CEP170: variants seen among roughly 807,000 people sequenced by gnomAD.
The protein encoded by CEP170 is centrosomal protein 170, also known as centrosomal protein of 170 kDa.
A neutral mutation model predicts 151.9 loss-of-function variants in CEP170; 21 were observed. That is an observed-to-expected ratio of 0.14 (90% CI 0.10 to 0.20). The LOEUF (loss-of-function observed/expected upper bound fraction) is 0.20, where lower values mean the gene tolerates loss of function less well. Ranked by LOEUF, CEP170 falls within the 10% of genes least tolerant of loss-of-function variation. The pLI is 1.00. For missense variants in CEP170, 964 were observed against 1,892.9 expected (o/e 0.51, Z 9.11); for synonymous variants, 356 against 648.8 (o/e 0.55, Z 6.86).
At position 243,191,025 on chromosome 1, in the gene CEP170, C is replaced by T. The variant is rs1443312372; in HGVS notation, c.1101G>A (p.Arg367=). The change falls in exon 8 of 20, where the codon AGG becomes AGA. Residue 367 remains arginine, a synonymous_variant. Coordinates refer to ENST00000366542, the MANE Select transcript of CEP170 (RefSeq NM_014812.3). ...IKSDVPVYLK[R]LKGNKHDDGT... ...ATGATCAAATCACTTTACCTTTCAA[C>T]CTTTTCAAGTACACTGGAACATCAC... is the stretch of plus-strand genomic sequence containing the variant. 2 of 1,571,732 alleles carry T rather than the reference C, an allele frequency of 1.3e-6. No individual in the cohort carries two copies. Among genetic ancestry groups the T allele is most frequent in the Non-Finnish European group, 1.7e-6 (2 of 1,157,920 alleles).
At chr1:243,171,917 G>A (rs1424221194) in intron 11 of CEP170, among the ~76,000 whole-genome samples, 1 of 152,158 alleles carries the variant, frequency 6.6e-6, no homozygotes, top group Admixed American at 6.5e-5. Context: ...TACTGACTCT[G>A]TAATTATCTT....
intron 1 of CEP170, among the ~76,000 whole-genome samples, chr1:243,229,466 G>C (rs369871291): frequency 2.2e-4 from 33 of 152,248 alleles, no homozygotes; most frequent in African/African-American, 7.9e-4. Context: ...AGATGCAATT[G>C]ACAGAAATGA....
intron 10 of CEP170, chr1:243,175,240 A>C (rs937229548): frequency 2.6e-5 from 4 of 152,246 alleles, no homozygotes; most frequent in Non-Finnish European, 5.9e-5. Context: ...GGGGAGCTGA[A>C]GCCGGACAGA....
chr1:243,240,498 C>A (rs1032279653), intron 1 of CEP170, among the ~76,000 whole-genome samples: 1 of 152,132 alleles, frequency 6.6e-6, no homozygotes, highest in Non-Finnish European at 1.5e-5. Flanking sequence ...GCTAATGGCT[C>A]TTAGACCTGG....
chr1:243,237,539 T>C (rs1234509305), intron 1 of CEP170, among the ~76,000 whole-genome samples: 1 of 152,196 alleles, frequency 6.6e-6, no homozygotes, highest in Non-Finnish European at 1.5e-5. Context: ...AAATAATGCA[T>C]GCTGGAAAAG....
At position 243,156,201 on chromosome 1, in the gene CEP170, G is replaced by T. The variant is rs1423916830; in HGVS notation, c.3911+20C>A. 1.3e-6 allele frequency: 2 copies of T among 1,563,870 alleles called. No individual in the cohort carries two copies. Among genetic ancestry groups the T allele is most frequent in the African/African-American group, 2.7e-5 (2 of 73,102 alleles). On this transcript the variant is annotated intron_variant, in intron 14 of 19. Transcript: ENST00000366542. ...TTCATAGAAATTTTGAATTCTTAAA[G>T]ATAAGTCCTGAAAACCAACCTGGCT...
At chr1:243,167,917 G>A (rs1452694939) in intron 12 of CEP170, among the ~76,000 whole-genome samples, 5 of 151,650 alleles carry the variant, frequency 3.3e-5, no homozygotes, top group South Asian at 2.1e-4. Context: ...TAACAAAAAC[G>A]TTTTATTATT....
chr1:243,250,363 C>A (rs1038983661), intron 1 of CEP170, among the ~76,000 whole-genome samples: 1 of 152,222 alleles, frequency 6.6e-6, no homozygotes, highest in African/African-American at 2.4e-5. Context: ...CAAGTTTTAA[C>A]TATAGCTACG....
intron 14 of CEP170, among the ~76,000 whole-genome samples, chr1:243,144,264 G>C (rs1558403002): frequency 1.3e-5 from 2 of 152,178 alleles, no homozygotes; most frequent in Non-Finnish European, 1.5e-5. Flanking sequence ...CTCTGTAAGA[G>C]AAGTATTAAT....
chr1:243,225,808 A>T (rs1451329988), intron 1 of CEP170, among the ~76,000 whole-genome samples: 1 of 152,054 alleles, frequency 6.6e-6, no homozygotes, highest in African/African-American at 2.4e-5. Context: ...TATCAGGTGT[A>T]AACCACAGAA....
At chr1:243,201,231 G>A (rs1301936808) in intron 4 of CEP170, among the ~76,000 whole-genome samples, 3 of 151,882 alleles carry the variant, frequency 2.0e-5, no homozygotes, top group Non-Finnish European at 4.4e-5. Context: ...TTAACCAACA[G>A]CAATTCCTAA....
At chr1:243,175,946 GC>G (rs2059217147) in intron 10 of CEP170, among the ~76,000 whole-genome samples, 1 of 152,040 alleles carries the variant, frequency 6.6e-6, no homozygotes. Context: ...ACAGGCGCCC[GC>G]CACTACGCCT....
At chr1:243,128,416 T>G (rs2053965252) in intron 18 of CEP170, 116 bp from the exon 19 acceptor site, 1 of 712,648 alleles carries the variant, frequency 1.4e-6, no homozygotes. Flanking sequence ...TACATGGTAC[T>G]TACTACATTA....
At chr1:243,163,673 T>C (rs2058238551) in intron 13 of CEP170, among the ~76,000 whole-genome samples, 1 of 152,234 alleles carries the variant, frequency 6.6e-6, no homozygotes, top group Non-Finnish European at 1.5e-5. Flanking sequence ...CATGAATCCA[T>C]CTTCTTCCAC....
At chr1:243,237,156 A>T (rs137894289) in intron 1 of CEP170, among the ~76,000 whole-genome samples, 82 of 152,332 alleles carry the variant, frequency 5.4e-4, no homozygotes, top group African/African-American at 1.9e-3. Context: ...ACTGTATAAC[A>T]GTAAGTTGCT....
intron 4 of CEP170, among the ~76,000 whole-genome samples, chr1:243,206,226 T>C (rs2061412145): frequency 2.6e-5 from 4 of 152,300 alleles, no homozygotes; most frequent in Admixed American, 2.0e-4. Context: ...CTCCGCCTTC[T>C]GGGTTCAAGA....
intron 13 of CEP170, among the ~76,000 whole-genome samples, chr1:243,158,847 T>C (rs1433921783): frequency 6.6e-6 from 1 of 151,954 alleles, no homozygotes; most frequent in Non-Finnish European, 1.5e-5. Flanking sequence ...GGTGGGAGGA[T>C]CACAAGGTCA....
Position 243,218,389 on chromosome 1 carries a change from G to A in CEP170, c.195+3335C>T, listed in dbSNP as rs556148629. Among the ~76,000 whole-genome samples, 11 of 152,362 alleles carry A rather than the reference G, an allele frequency of 7.2e-5. No homozygotes were observed. In the East Asian group the frequency reaches 1.4e-3, roughly 19 times the overall value. Reference sequence around the variant, plus strand: ...GGCAAGGGCCCCAGTGGAGGAGGCAGGGGGAACTGAAGGCAAACAGGGGTT... The same window carrying A: ...GGCAAGGGCCCCAGTGGAGGAGGCAAGGGGAACTGAAGGCAAACAGGGGTT... On this transcript the variant is annotated intron_variant, in intron 3 of 19. Coordinates refer to ENST00000366542, the MANE Select transcript of CEP170 (RefSeq NM_014812.3).
intron 13 of CEP170, among the ~76,000 whole-genome samples, chr1:243,157,246 T>G (rs574921475): frequency 3.3e-5 from 5 of 152,240 alleles, no homozygotes; most frequent in Non-Finnish European, 7.3e-5. Context: ...TGGCAATCAC[T>G]TTCTTATTTA....
Sources: gnomAD v4.1 joint callset for allele counts (sites outside exome capture counted in the v4.1 genomes callset) on GRCh38, gnomAD v4.1.1 for gene constraint, MANE v1.5 for transcripts, NCBI Gene and HGNC (gene_info 2026-07-23, HGNC 2026-07-21) for gene names.